Variants in CMPK1 observed in about 807,000 individuals in gnomAD.
CMPK1 encodes cytidine/uridine monophosphate kinase 1.
Under a neutral mutation model 25.7 loss-of-function variants are expected in CMPK1, and 10 were observed. That is an observed-to-expected ratio of 0.39 (90% CI 0.24 to 0.66). The LOEUF is 0.66. Among genes scored for constraint, CMPK1 ranks in the 30% least tolerant of loss-of-function variants. The pLI, the probability that CMPK1 is intolerant of heterozygous loss-of-function variation, is 0.48. For missense variants in CMPK1, 199 were observed against 280.5 expected (o/e 0.71, Z 2.08); for synonymous variants, 106 against 101.5 (o/e 1.04, Z -0.27).
intron 2 of CMPK1, among the ~76,000 whole-genome samples, 175 bp from the exon 3 acceptor site, chr1:47,372,780 C>T (rs1404749514): frequency 6.7e-6 from 1 of 149,500 alleles, no homozygotes. Context: ...AGATTTCCTT[C>T]TAGTCTTTTT....
intron 1 of CMPK1, among the ~76,000 whole-genome samples, chr1:47,365,026 G>A (rs1646629654): frequency 6.6e-6 from 1 of 152,122 alleles, no homozygotes; most frequent in Admixed American, 6.6e-5. Context: ...TTCCCAAAGT[G>A]CTAGAATTAC....
chr1:47,356,903 C>T (rs996357653), intron 1 of CMPK1, among the ~76,000 whole-genome samples: 18 of 151,608 alleles, frequency 1.2e-4, no homozygotes, highest in South Asian at 8.4e-4. Flanking sequence ...TCAAGTGATC[C>T]GCATGCCTTC....
At chr1:47,334,260 G>C in intron 1 of CMPK1, 144 bp downstream of exon 1, 1 of 742,134 alleles carries the variant, frequency 1.3e-6, no homozygotes, top group Non-Finnish European at 1.8e-6. Context: ...GCGTGGCAGT[G>C]GCCGAGGGCC....
At chr1:47,366,883 C>T (rs1235959869) in intron 1 of CMPK1, among the ~76,000 whole-genome samples, 1 of 152,090 alleles carries the variant, frequency 6.6e-6, no homozygotes, top group African/African-American at 2.4e-5. Context: ...TGCAACCACA[C>T]CTGGCTAATT....
intron 1 of CMPK1, among the ~76,000 whole-genome samples, chr1:47,359,581 G>T (rs569028613): frequency 2.0e-5 from 3 of 151,568 alleles, no homozygotes; most frequent in Non-Finnish European, 2.9e-5. Flanking sequence ...TAAAGATGGG[G>T]TTTCACCATG....
intron 1 of CMPK1, among the ~76,000 whole-genome samples, chr1:47,367,318 G>A (rs928234725): frequency 2.6e-5 from 4 of 152,058 alleles, no homozygotes; most frequent in East Asian, 1.9e-4. Flanking sequence ...CTACCTTACC[G>A]TTAACTTATT....
chr1:47,355,612 C>T (rs1052778909), intron 1 of CMPK1, among the ~76,000 whole-genome samples: 1 of 151,262 alleles, frequency 6.6e-6, no homozygotes, highest in East Asian at 2.0e-4. Flanking sequence ...CATGCCCGGC[C>T]TTTTTTTCTG....
intron 1 of CMPK1, among the ~76,000 whole-genome samples, chr1:47,368,031 C>T (rs1474734878): frequency 6.6e-6 from 1 of 152,116 alleles, no homozygotes; most frequent in African/African-American, 2.4e-5. Flanking sequence ...CTCACTGCAA[C>T]CTCCGCCTCC....
chr1:47,346,933 G>A (rs1377275436), intron 1 of CMPK1, among the ~76,000 whole-genome samples: 4 of 148,992 alleles, frequency 2.7e-5, no homozygotes, highest in South Asian at 2.1e-4. Flanking sequence ...ACAGGCGCCC[G>A]CCACCATACC....
chr1:47,352,298 G>A (rs543171420), intron 1 of CMPK1, among the ~76,000 whole-genome samples: 35 of 152,140 alleles, frequency 2.3e-4, no homozygotes, highest in East Asian at 9.6e-4. Flanking sequence ...TATTTTCTTG[G>A]TAGTGGTATT....
intron 1 of CMPK1, among the ~76,000 whole-genome samples, chr1:47,357,994 C>A (rs114850315): frequency 6.7e-6 from 1 of 150,358 alleles, no homozygotes; most frequent in Non-Finnish European, 1.5e-5. Context: ...CCTCTATCGG[C>A]GTGTAATTTG....
rs1191108665 is a variant in CMPK1, at chr1:47,358,537, T to A, written c.172-9932T>A. 9.9e-6 allele frequency: 10 copies of A among 1,007,492 alleles called. No homozygotes were observed. The East Asian group carries it at 9.6e-4, about 97-fold the overall frequency. 62.4% of individuals were successfully genotyped at this position (1,007,492 alleles called of 1,614,324 possible). A position where few individuals can be genotyped will look rare whatever the true frequency, so the allele number is the denominator to read the frequency against. On this transcript the variant is annotated intron_variant, in intron 1 of 5. Coordinates refer to ENST00000371873, the MANE Select transcript of CMPK1 (RefSeq NM_016308.3). ...GTCATTTTTGGTAGCATACATATTA[T>A]TTCTGTTTTATAAATAAACAGATCT...
chr1:47,350,248 T>C (rs1241499266), intron 1 of CMPK1, among the ~76,000 whole-genome samples: 1 of 151,974 alleles, frequency 6.6e-6, no homozygotes, highest in Non-Finnish European at 1.5e-5. Flanking sequence ...CTACTGTTTT[T>C]TTTTCTTGAG....
intron 1 of CMPK1, among the ~76,000 whole-genome samples, 191 bp downstream of exon 1, chr1:47,334,307 C>T (rs943376928): frequency 3.9e-5 from 6 of 151,992 alleles, no homozygotes; most frequent in Non-Finnish European, 8.8e-5. Flanking sequence ...TAGTCCGCGC[C>T]CGCCCGCCTT....
chr1:47,366,114 A>G (rs971161576), intron 1 of CMPK1, among the ~76,000 whole-genome samples: 2 of 152,162 alleles, frequency 1.3e-5, no homozygotes, highest in African/African-American at 4.8e-5. Flanking sequence ...GAATTGCTTG[A>G]ACCTGGGAAG....
At chr1:47,349,810 A>G (rs1028090907) in intron 1 of CMPK1, among the ~76,000 whole-genome samples, 4 of 151,518 alleles carry the variant, frequency 2.6e-5, no homozygotes, top group African/African-American at 9.7e-5. Context: ...CAACTTTCTA[A>G]TTTTTCTTTT....
intron 1 of CMPK1, among the ~76,000 whole-genome samples, chr1:47,354,109 G>C (rs1171077282): frequency 9.9e-5 from 15 of 152,112 alleles, no homozygotes; most frequent in Non-Finnish European, 2.2e-4. Context: ...AGGATTGCTT[G>C]AGCCCGGAGT....
chr1:47,360,815 C>G (rs1347150880), intron 1 of CMPK1, among the ~76,000 whole-genome samples: 7 of 152,210 alleles, frequency 4.6e-5, no homozygotes, highest in Admixed American at 1.3e-4. Context: ...CAAAAGACCA[C>G]CAGGATGGCT....
chr1:47,336,835 T>G (rs886530216), intron 1 of CMPK1, among the ~76,000 whole-genome samples: 2 of 152,272 alleles, frequency 1.3e-5, no homozygotes, highest in African/African-American at 4.8e-5. Flanking sequence ...CTGGTTATTT[T>G]TATTGCAAAA....
Sources: gnomAD v4.1 joint callset for allele counts (sites outside exome capture counted in the v4.1 genomes callset) on GRCh38, gnomAD v4.1.1 for gene constraint, MANE v1.5 for transcripts, NCBI Gene and HGNC (gene_info 2026-07-23, HGNC 2026-07-21) for gene names.